Variants in NR5A2 observed in about 807,000 individuals in gnomAD.
The protein encoded by NR5A2 is nuclear receptor subfamily 5 group A member 2.
Under a neutral mutation model 62.7 loss-of-function variants are expected in NR5A2, and 26 were observed. The observed-to-expected ratio is 0.41, with a 90% CI of 0.30 to 0.58. The LOEUF is 0.58. Among genes scored for constraint, NR5A2 ranks in the 20% least tolerant of loss-of-function variants. The pLI is 0.22. For synonymous variants in NR5A2, 246 were observed against 241.7 expected (o/e 1.02, Z -0.16); for missense variants, 541 against 669.1 (o/e 0.81, Z 2.11).
Position 200,039,929 on chromosome 1 carries a change from C to A in NR5A2, c.202+134C>A. 1 of 959,030 alleles carries A rather than the reference C, an allele frequency of 1.0e-6. No individual in the cohort carries two copies. The highest frequency in any genetic ancestry group is 1.5e-6 in the Non-Finnish European group (1 of 683,546). The allele number at this position is 959,030 out of a possible 1,614,324, so 59.4% of individuals were successfully genotyped here. On this transcript the variant is annotated intron_variant, in intron 2 of 7. Coordinates refer to ENST00000367362, the MANE Select transcript of NR5A2 (RefSeq NM_205860.3). This position sits in a 1 kb window ranked among gnomAD's most constrained non-coding sequence, Gnocchi z 5.1. ...GGCGCTCGCAGCCGCGGGAGTCAAG[C>A]CCCCTCCCCAGGTGCAGGCATAAAA...
chr1:200,152,152 A>G lies in NR5A2; in HGVS notation c.1379-21811A>G, dbSNP rs781210815. 1.1e-4 allele frequency among the ~76,000 whole-genome samples: 16 copies of G among 152,226 alleles called. 2 individuals are homozygous for G. Among genetic ancestry groups the G allele is most frequent in the Non-Finnish European group, 2.1e-4 (14 of 68,036 alleles). The stretch of plus-strand genomic sequence containing the variant: ...CTGATAGTCTGGGTGGGGGACTCTC[A>G]AGGCCTCAGAAGTTCTCTAGCATTT... On this transcript the variant is annotated intron_variant, in intron 7 of 7. Coordinates refer to ENST00000367362, the MANE Select transcript of NR5A2 (RefSeq NM_205860.3).
intron 7 of NR5A2, chr1:200,148,198 G>T: frequency 3.7e-6 from 1 of 267,534 alleles, no homozygotes; most frequent in South Asian, 1.1e-4. Flanking sequence ...CCTGTCCGTT[G>T]GGCCTATCAG....
chr1:200,160,845 T>C (rs1653607817), intron 7 of NR5A2, among the ~76,000 whole-genome samples: 2 of 152,002 alleles, frequency 1.3e-5, no homozygotes, highest in South Asian at 2.1e-4. Context: ...GGTTTATTCA[T>C]AGTCTTGACT....
chr1:200,037,589 C>G (rs1661838525), intron 1 of NR5A2, among the ~76,000 whole-genome samples: 1 of 152,202 alleles, frequency 6.6e-6, no homozygotes, highest in Admixed American at 6.5e-5. Context: ...TCTTAGTTCT[C>G]AGTGATACTT....
intron 5 of NR5A2, among the ~76,000 whole-genome samples, chr1:200,089,315 A>G (rs1664700141): frequency 6.8e-6 from 1 of 147,182 alleles, no homozygotes; most frequent in Non-Finnish European, 1.5e-5. Context: ...CCTGAGTTCA[A>G]GAGATTCTCA....
At position 200,147,340 on chromosome 1, in the gene NR5A2, G is replaced by C. The variant is rs1667751890; in HGVS notation, c.1378+26385G>C. ...CTCCTCTCCTCATCCAGCAAAGCTC[G>C]GCCTACATGGAGGTTTGCTGACTCC... On this transcript the variant is annotated intron_variant, in intron 7 of 7. Transcript: ENST00000367362. The surrounding 1 kb of genome is among the most constrained non-coding windows in gnomAD (Gnocchi z 4.9). 6.6e-6 allele frequency among the ~76,000 whole-genome samples: 1 copy of C among 152,136 alleles called. No individual in the cohort carries two copies. Among genetic ancestry groups the C allele is most frequent in the Admixed American group, 6.5e-5 (1 of 15,270 alleles).
chr1:200,116,080 T>C (rs1237070232), intron 6 of NR5A2, among the ~76,000 whole-genome samples: 1 of 152,170 alleles, frequency 6.6e-6, no homozygotes, highest in African/African-American at 2.4e-5. Flanking sequence ...AAAATGTTTA[T>C]ACTGAGTATT....
In NR5A2 at chr1:200,173,945, T is replaced by G; in HGVS notation, c.1379-18T>G. On this transcript the variant is annotated intron_variant, in intron 7 of 7. Transcript: ENST00000367362. ...TGCTATTGAAATGTTGCTTTTTTTTTTTTTTTTTTTAATGCAGATGTCAAA... is the reference window on the plus strand; with the variant it reads ...TGCTATTGAAATGTTGCTTTTTTTTGTTTTTTTTTTAATGCAGATGTCAAA... 1 of 1,394,198 alleles carries G rather than the reference T, an allele frequency of 7.2e-7. No individual in the cohort carries two copies. The highest frequency in any genetic ancestry group is 1.5e-5 in the African/African-American group (1 of 67,902). The allele number at this position is 1,394,198 out of a possible 1,614,324, so 86.4% of individuals were successfully genotyped here. A position where few individuals can be genotyped will look rare whatever the true frequency, so the allele number is the denominator to read the frequency against.
intron 5 of NR5A2, among the ~76,000 whole-genome samples, chr1:200,091,780 GC>G (rs1445838616): frequency 1.3e-5 from 2 of 152,248 alleles, no homozygotes; most frequent in East Asian, 3.9e-4. Flanking sequence ...ACTGCACCTG[GC>G]CCCCTTTGCC....
intron 7 of NR5A2, among the ~76,000 whole-genome samples, chr1:200,161,503 T>A (rs373486879): frequency 6.6e-6 from 1 of 152,214 alleles, no homozygotes; most frequent in Non-Finnish European, 1.5e-5. Context: ...GGAAGTGTTC[T>A]ATGCCCGTGA....
At position 200,120,826 on chromosome 1, in the gene NR5A2, G is replaced by A. The variant is rs1375953011; in HGVS notation, c.1249G>A (p.Ala417Thr). The A allele has an allele frequency of 2.6e-6, 4 of 1,566,398 alleles. No individual in the cohort carries two copies. Among genetic ancestry groups the A allele is most frequent in the Admixed American group, 1.9e-5 (1 of 51,662 alleles). ...TGQQVDYSIIASQAGATLNNL... is the reference protein window; with the variant it reads ...TGQQVDYSIITSQAGATLNNL... Reference sequence around the variant, plus strand: ...ATTGCAGGTGGACTATTCCATAATAGCATCACAAGCCGGAGCCACCCTCAA... The same window carrying A: ...ATTGCAGGTGGACTATTCCATAATAACATCACAAGCCGGAGCCACCCTCAA... The change falls in exon 7 of 8, where the codon GCA becomes ACA. Residue 417 changes from alanine (A) to threonine (T), a missense_variant. Physicochemically the swap from Ala to Thr is moderately conservative, Grantham distance 58 (BLOSUM62 0). This residue lies in a region of NR5A2 where 379 missense variants were observed against 442.0 expected (regional missense o/e 0.86). Transcript: ENST00000367362.
intron 1 of NR5A2, chr1:200,038,729 C>T (rs750375781): frequency 7.3e-7 from 1 of 1,366,188 alleles, no homozygotes; most frequent in Non-Finnish European, 9.8e-7. Flanking sequence ...CTGGCTGCTT[C>T]TCCTTCGCCG....
intron 7 of NR5A2, among the ~76,000 whole-genome samples, chr1:200,149,370 G>A (rs546213237): frequency 6.6e-6 from 1 of 152,342 alleles, no homozygotes; most frequent in African/African-American, 2.4e-5. Context: ...GATTCACCGT[G>A]TATCTTCTGC....
At chr1:200,094,875 A>G (rs1473044693) in intron 5 of NR5A2, among the ~76,000 whole-genome samples, 1 of 152,104 alleles carries the variant, frequency 6.6e-6, no homozygotes, top group Non-Finnish European at 1.5e-5. Flanking sequence ...CTTCAGATGA[A>G]AAAATAGCCT....
At chr1:200,092,824 G>A (rs1664878966) in intron 5 of NR5A2, among the ~76,000 whole-genome samples, 1 of 150,692 alleles carries the variant, frequency 6.6e-6, no homozygotes, top group Admixed American at 6.6e-5. Context: ...CTGAATACAG[G>A]CAGATGACTT....
rs573136664 is a variant in NR5A2 at position 200,039,015 on chromosome 1, C to G, written c.65-643C>G. ...CCTCCTTCTCCCCCTCGTCTTCCCCCCTGTCCTTCCCAGCACCGTCACCCT... is the reference window on the plus strand; with the variant it reads ...CCTCCTTCTCCCCCTCGTCTTCCCCGCTGTCCTTCCCAGCACCGTCACCCT... On this transcript the variant is annotated intron_variant, in intron 1 of 7. Transcript: ENST00000367362. This position sits in a 1 kb window ranked among gnomAD's most constrained non-coding sequence, Gnocchi z 5.1. 5.0e-4 allele frequency among the ~76,000 whole-genome samples: 76 copies of G among 152,146 alleles called. No individual in the cohort carries two copies. Among genetic ancestry groups the G allele is most frequent in the African/African-American group, 1.7e-3 (71 of 41,530 alleles).
rs35219936 is a variant in NR5A2 at position 200,087,403 on chromosome 1, C to CT, written c.1111-23790dup. The stretch of plus-strand genomic sequence containing the variant: ...TGTACTCTCCATCCACTTTATTTCC[C>CT]TTTTTTTTTGAGACGGAGTCTCACT... On this transcript the variant is annotated intron_variant, in intron 5 of 7. Coordinates refer to ENST00000367362, the MANE Select transcript of NR5A2 (RefSeq NM_205860.3). 3.6e-3 allele frequency among the ~76,000 whole-genome samples: 541 copies of CT among 151,258 alleles called. 2 individuals carry two copies. Among genetic ancestry groups the CT allele is most frequent in the Non-Finnish European group, 5.9e-3 (401 of 67,696 alleles).
At chr1:200,085,329 C>T (rs1488921894) in intron 5 of NR5A2, among the ~76,000 whole-genome samples, 2 of 152,068 alleles carry the variant, frequency 1.3e-5, no homozygotes, top group Non-Finnish European at 2.9e-5. Context: ...TTAAAAGCCC[C>T]TGGTGCTGTA....
At chr1:200,155,935 A>G (rs2102371640) in intron 7 of NR5A2, among the ~76,000 whole-genome samples, 1 of 152,238 alleles carries the variant, frequency 6.6e-6, no homozygotes, top group East Asian at 1.9e-4. Flanking sequence ...AGTCTCCCCA[A>G]GTGCTGGGAT....
Sources: allele counts gnomAD v4.1 joint callset (sites outside exome capture counted in the v4.1 genomes callset), GRCh38; gene constraint gnomAD v4.1.1; regional missense constraint gnomAD v4.1.1; non-coding constraint Gnocchi (gnomAD v3.1); transcripts MANE v1.5; gene names NCBI Gene and HGNC (gene_info 2026-07-23, HGNC 2026-07-21).